TUFT1: variants seen among roughly 807,000 people sequenced by gnomAD.
TUFT1 encodes tuftelin.
A neutral mutation model predicts 57.8 loss-of-function variants in TUFT1; 43 were observed. That is an observed-to-expected ratio of 0.74 (90% CI 0.58 to 0.96). TUFT1 has a LOEUF of 0.96. Among genes scored for constraint, TUFT1 ranks in the 40% least tolerant of loss-of-function variants. The pLI, the probability that TUFT1 is intolerant of heterozygous loss-of-function variation, is 0.00. For missense variants in TUFT1, 459 were observed against 489.0 expected (o/e 0.94, Z 0.58); for synonymous variants, 166 against 176.7 (o/e 0.94, Z 0.48).
chr1:151,574,939 G>A lies in TUFT1; in HGVS notation c.752G>A (p.Arg251Lys), dbSNP rs996775992. The change falls in exon 9 of 13, where the codon AGG becomes AAG. Residue 251 changes from arginine to lysine, a missense_variant. Coordinates refer to ENST00000368849, the MANE Select transcript of TUFT1 (RefSeq NM_020127.3). The stretch of plus-strand genomic sequence containing the variant: ...CATCAGGCCTTACTGGCGAAAGTGA[G>A]GGAAGGGGAGGTGGCCCTAGAGGAA... ...TEHQALLAKV[R>K]EGEVALEELR... 3.2e-6 allele frequency: 5 copies of A among 1,577,204 alleles called. No individual in the cohort carries two copies. The African/African-American group carries it at 6.7e-5, about 21-fold the overall frequency.
chr1:151,566,031 TC>T (rs11405272), intron 5 of TUFT1, 131 bp from the exon 6 acceptor site: 1 of 145,708 alleles, frequency 6.9e-6, no homozygotes, highest in African/African-American at 2.7e-5. Context: ...TCTCTCTCCC[TC>T]CCCCTCCCTT....
chr1:151,563,817 C>T, intron 3 of TUFT1, 87 bp from the exon 4 acceptor site: 1 of 1,106,404 alleles, frequency 9.0e-7, no homozygotes. Flanking sequence ...AACAATTTAC[C>T]CTCCCACCAG....
At position 151,557,437 on chromosome 1, in the gene TUFT1, G is replaced by A. The variant is rs1558005874; in HGVS notation, c.61-4654G>A. 12 of 1,188,990 alleles carry A rather than the reference G, an allele frequency of 1.0e-5. No homozygotes were observed. The Admixed American group carries it at 2.3e-4, about 23-fold the overall frequency. 73.7% of individuals were successfully genotyped at this position (1,188,990 alleles called of 1,614,324 possible). On this transcript the variant is annotated intron_variant, in intron 1 of 12. Coordinates refer to ENST00000368849, the MANE Select transcript of TUFT1 (RefSeq NM_020127.3). ...TCCAGCCCCAGCCCCGGCCCCTACA[G>A]CCACCGAGATGTTGATGCCTAAGAA...
chr1:151,559,117 C>T (rs1201570414), intron 1 of TUFT1, among the ~76,000 whole-genome samples: 1 of 152,146 alleles, frequency 6.6e-6, no homozygotes, highest in African/African-American at 2.4e-5. Context: ...GCAGGTATGT[C>T]CTGGGAAGGA....
chr1:151,562,568 C>CTT lies in TUFT1; in HGVS notation c.136-17_136-16insTT, dbSNP rs1553250267. The stretch of plus-strand genomic sequence containing the variant: ...CATCTCTCTCTCTCTCTCTCTCTCT[C>CTT]ATCTCTCTTTGGCCAGGCGGGCAGG... On this transcript the variant is annotated splice_polypyrimidine_tract_variant and intron_variant, in intron 2 of 12. Transcript: ENST00000368849. 6.3e-7 allele frequency: 1 copy of CTT among 1,599,938 alleles called. No individual in the cohort carries two copies. Among genetic ancestry groups the CTT allele is most frequent in the Non-Finnish European group, 8.5e-7 (1 of 1,171,032 alleles).
intron 1 of TUFT1, among the ~76,000 whole-genome samples, chr1:151,541,517 C>A (rs553361136): frequency 6.6e-6 from 1 of 152,044 alleles, no homozygotes; most frequent in Non-Finnish European, 1.5e-5. Context: ...TATCATCCCC[C>A]CTCCCACATC....
chr1:151,551,404 T>G (rs941828149), intron 1 of TUFT1, among the ~76,000 whole-genome samples: 1 of 152,098 alleles, frequency 6.6e-6, no homozygotes, highest in Non-Finnish European at 1.5e-5. Flanking sequence ...TTCAAGGAGC[T>G]TATGATTTTC....
chr1:151,581,573 G>C (rs1195477067), intron 12 of TUFT1, 71 bp from the exon 13 acceptor site: 7 of 1,482,024 alleles, frequency 4.7e-6, no homozygotes, highest in East Asian at 2.3e-5. Context: ...AAGATTCCAG[G>C]GGCTCTGTGA....
chr1:151,542,000 C>G (rs1665183301), intron 1 of TUFT1, among the ~76,000 whole-genome samples: 1 of 152,114 alleles, frequency 6.6e-6, no homozygotes, highest in Admixed American at 6.5e-5. Context: ...ATGCACACCA[C>G]CTATAGCTTC....
At chr1:151,564,695 T>C (rs41272483) in intron 5 of TUFT1, 81 bp downstream of exon 5, 63 of 1,186,942 alleles carry the variant, frequency 5.3e-5, no homozygotes, top group Non-Finnish European at 7.3e-5. Flanking sequence ...AATTACCCAG[T>C]GTGTGCTAAA....
intron 7 of TUFT1, among the ~76,000 whole-genome samples, chr1:151,570,193 G>A (rs1666214055): frequency 6.6e-6 from 1 of 152,204 alleles, no homozygotes; most frequent in African/African-American, 2.4e-5. Context: ...ACGTGGACTG[G>A]ATGAGTGACT....
chr1:151,580,875 A>C (rs558466746), intron 11 of TUFT1, 67 bp from the exon 12 acceptor site: 1 of 1,400,846 alleles, frequency 7.1e-7, no homozygotes, highest in East Asian at 2.3e-5. Flanking sequence ...ACCAGAATGC[A>C]CTAGCTGAAC....
chr1:151,578,994 C>T lies in TUFT1; in HGVS notation c.924+168C>T, dbSNP rs570864272. On this transcript the variant is annotated intron_variant, in intron 10 of 12. Coordinates refer to ENST00000368849, the MANE Select transcript of TUFT1 (RefSeq NM_020127.3). Reference sequence around the variant, plus strand: ...AGGATTTGCTTTTCTCCCATCTTTCCCCTACTGTTTTGTTTGTTTGTTTGC... The same window carrying T: ...AGGATTTGCTTTTCTCCCATCTTTCTCCTACTGTTTTGTTTGTTTGTTTGC... Among the ~76,000 whole-genome samples, 3 of 152,302 alleles carry T rather than the reference C, an allele frequency of 2.0e-5. No homozygotes were observed. The East Asian group carries it at 5.8e-4, about 29-fold the overall frequency.
intron 1 of TUFT1, among the ~76,000 whole-genome samples, chr1:151,554,291 A>G (rs1010068717): frequency 6.6e-6 from 1 of 152,122 alleles, no homozygotes; most frequent in Non-Finnish European, 1.5e-5. Flanking sequence ...ATCCCATGTT[A>G]ATCATTTTGT....
intron 1 of TUFT1, among the ~76,000 whole-genome samples, chr1:151,557,271 C>T (rs1304111719): frequency 6.6e-6 from 1 of 152,010 alleles, no homozygotes; most frequent in African/African-American, 2.4e-5. Flanking sequence ...TTACCTTCTC[C>T]CATTTATGAT....
intron 5 of TUFT1, chr1:151,565,906 C>T: frequency 2.6e-6 from 1 of 391,718 alleles, no homozygotes; most frequent in Non-Finnish European, 4.8e-6. Context: ...CATCTCTCCA[C>T]CCCCTCTTGT....
chr1:151,562,550 C>G, intron 2 of TUFT1, 35 bp from the exon 3 acceptor site: 5 of 1,533,886 alleles, frequency 3.3e-6, no homozygotes, highest in Non-Finnish European at 3.6e-6. Context: ...AGCCATCTCT[C>G]TCTCTCTCTC....
Position 151,565,013 on chromosome 1 carries a change from G to A in TUFT1, c.414+399G>A, listed in dbSNP as rs183546800. The stretch of plus-strand genomic sequence containing the variant: ...CATAAGCTGATCTTGCTTAGTTTGG[G>A]TGATACCTGTAGCGTAAATTGAAGT... On this transcript the variant is annotated intron_variant, in intron 5 of 12. Transcript: ENST00000368849. The A allele has an allele frequency of 6.5e-4, 106 of 162,814 alleles. 2 individuals are homozygous for A. The East Asian group carries it at 0.014, about 21-fold the overall frequency. The allele number at this position is 162,814 out of a possible 1,614,324, so 10.1% of individuals were successfully genotyped here. A position where few individuals can be genotyped will look rare whatever the true frequency, so the allele number is the denominator to read the frequency against.
chr1:151,574,141 A>G lies in TUFT1; in HGVS notation c.595-129A>G, dbSNP rs975241382. The stretch of plus-strand genomic sequence containing the variant: ...GTGAAGGGGAGGTGGTGGTGAGCCC[A>G]TCAGTGTCACCACCTTTCTCCCGTC... On this transcript the variant is annotated intron_variant, in intron 7 of 12. Coordinates refer to ENST00000368849, the MANE Select transcript of TUFT1 (RefSeq NM_020127.3). The G allele has an allele frequency of 3.6e-6, 4 of 1,120,108 alleles. No homozygotes were observed. The African/African-American group carries it at 4.7e-5, about 13-fold the overall frequency. 69.4% of individuals were successfully genotyped at this position (1,120,108 alleles called of 1,614,324 possible).
Sources: gnomAD v4.1 joint callset for allele counts (sites outside exome capture counted in the v4.1 genomes callset) on GRCh38, gnomAD v4.1.1 for gene constraint, MANE v1.5 for transcripts, NCBI Gene and HGNC (gene_info 2026-07-23, HGNC 2026-07-21) for gene names.